PLAGL1: variants seen among roughly 807,000 people sequenced by gnomAD.
The protein encoded by PLAGL1 is PLAG1 like zinc finger 1.
A neutral mutation model predicts 4.6 loss-of-function variants in PLAGL1; 1 was observed. The ratio of observed to expected loss-of-function variants is 0.22; its 90% CI spans 0.08 to 1.03. The LOEUF (loss-of-function observed/expected upper bound fraction) is 1.03, where lower values mean the gene tolerates loss of function less well. PLAGL1 is among the 50% of genes least tolerant of loss of function. PLAGL1 has a pLI of 0.58. For missense variants in PLAGL1, 464 were observed against 570.4 expected (o/e 0.81, Z 1.90); for synonymous variants, 240 against 237.8 (o/e 1.01, Z -0.08).
chr6:143,956,684 G>A (rs916499846), intron 6 of PLAGL1, among the ~76,000 whole-genome samples: 6 of 152,214 alleles, frequency 3.9e-5, no homozygotes, highest in Admixed American at 2.6e-4. Context: ...CCTAGCCCCT[G>A]ACTGCATCTA....
chr6:143,942,158 C>T lies in PLAGL1; in HGVS notation c.658G>A (p.Asp220Asn), dbSNP rs565181543. 7.4e-6 allele frequency: 12 copies of T among 1,614,168 alleles called. No homozygotes were observed. In the East Asian group the frequency reaches 2.7e-4, roughly 36 times the overall value. Residue 220 changes from aspartate to asparagine, a missense_variant, in exon 8 of 8, where the codon GAC becomes AAC. Asp to Asn is a conservative substitution (Grantham distance 23). This residue lies in a region of PLAGL1 where 248 missense variants were observed against 250.1 expected (regional missense o/e 0.99). Coordinates refer to ENST00000674357, the MANE Select transcript of PLAGL1 (RefSeq NM_001317162.2). The surrounding 1 kb of genome is among the most constrained non-coding windows in gnomAD (Gnocchi z 7.6). ...ELMKESLQTG[D>N]LLSTFHTISP... The stretch of plus-strand genomic sequence containing the variant: ...ATGGTGTGGAAGGTGCTCAGAAGGT[C>T]TCCGGTCTGCAAGCTCTCTTTCATC...
chr6:143,975,914 C>T lies in PLAGL1; in HGVS notation c.-543-6936G>A, dbSNP rs1786410322. On this transcript the variant is annotated intron_variant, in intron 2 of 7. Coordinates refer to ENST00000674357, the MANE Select transcript of PLAGL1 (RefSeq NM_001317162.2). The surrounding 1 kb of genome is among the most constrained non-coding windows in gnomAD (Gnocchi z 5.8). ...TACCACTTGAAGAGAAAAATACACA[C>T]AGGGATATCTGTTGTCTGTAGATAG... Among the ~76,000 whole-genome samples the T allele has an allele frequency of 1.3e-5, 2 of 152,174 alleles. No individual in the cohort carries two copies. Among genetic ancestry groups the T allele is most frequent in the South Asian group, 2.1e-4 (1 of 4,832 alleles).
At position 143,982,179 on chromosome 6, in the gene PLAGL1, AAG is replaced by A. The variant is rs1788104513; in HGVS notation, c.-544+2954_-544+2955del. On this transcript the variant is annotated intron_variant, in intron 2 of 7. Transcript: ENST00000674357. The surrounding 1 kb of genome is among the most constrained non-coding windows in gnomAD (Gnocchi z 5.3). The stretch of plus-strand genomic sequence containing the variant: ...GGTGATTTTAAAAAAAAAAGTAATG[AAG>A]AGACAGGAAGTGCTAAGAGATTTAG... Among the ~76,000 whole-genome samples, 1 of 152,194 alleles carries A rather than the reference AAG, an allele frequency of 6.6e-6. No homozygotes were observed. Among genetic ancestry groups the A allele is most frequent in the African/African-American group, 2.4e-5 (1 of 41,446 alleles).
intron 6 of PLAGL1, among the ~76,000 whole-genome samples, chr6:143,951,230 A>G (rs569667598): frequency 6.6e-6 from 1 of 152,354 alleles, no homozygotes; most frequent in South Asian, 2.1e-4. Flanking sequence ...TAACCTAAAT[A>G]AACACCCTAC....
Position 143,975,103 on chromosome 6 carries a change from GAACT to G in PLAGL1, c.-543-6129_-543-6126del, listed in dbSNP as rs1786214695. On this transcript the variant is annotated intron_variant, in intron 2 of 7. Transcript: ENST00000674357. This position sits in a 1 kb window ranked among gnomAD's most constrained non-coding sequence, Gnocchi z 5.8. ...GGTAAATTGACTTGCCAAAGTCATAGAACTAATAATCAGCAGTTAAAACTTTAAA... is the reference window on the plus strand; with the variant it reads ...GGTAAATTGACTTGCCAAAGTCATAGAATAATCAGCAGTTAAAACTTTAAA... Among the ~76,000 whole-genome samples the G allele has an allele frequency of 6.6e-6, 1 of 152,172 alleles. No individual in the cohort carries two copies. Among genetic ancestry groups the G allele is most frequent in the Admixed American group, 6.5e-5 (1 of 15,284 alleles).
At chr6:144,044,597 A>C (rs1797983025) in intron 1 of PLAGL1, among the ~76,000 whole-genome samples, 1 of 151,660 alleles carries the variant, frequency 6.6e-6, no homozygotes, top group Non-Finnish European at 1.5e-5. Flanking sequence ...TTTACTTCCA[A>C]CTGGTCAACT....
intron 1 of PLAGL1, among the ~76,000 whole-genome samples, chr6:144,049,479 C>T (rs761169478): frequency 1.2e-4 from 19 of 152,188 alleles, no homozygotes; most frequent in East Asian, 3.9e-4. Flanking sequence ...CAGTTCTGCA[C>T]GGCTAGGGAG....
At position 144,015,999 on chromosome 6, in the gene PLAGL1, G is replaced by A. The variant is rs1299394440; in HGVS notation, c.-150-47021C>T. On this transcript the variant is annotated intron_variant, in intron 1 of 3. Coordinates refer to the PLAGL1 transcript ENST00000437412. The surrounding 1 kb of genome is among the most constrained non-coding windows in gnomAD (Gnocchi z 4.3). ...ATAAAATGGGCAAACTGCTGATACT[G>A]TCAACACAGATGAATCAAAACAACA... Among the ~76,000 whole-genome samples the A allele has an allele frequency of 6.6e-6, 1 of 152,088 alleles. No individual in the cohort carries two copies. The highest frequency in any genetic ancestry group is 1.5e-5 in the Non-Finnish European group (1 of 68,020).
Position 144,053,373 on chromosome 6 carries a change from G to C in PLAGL1, c.-151+11095C>G, listed in dbSNP as rs1394006384. ...TGGTCTGAAACTCCTGACCTCAGGTGATCAGCCACGATGGCCTCCCAAATT... is the reference window on the plus strand; with the variant it reads ...TGGTCTGAAACTCCTGACCTCAGGTCATCAGCCACGATGGCCTCCCAAATT... On this transcript the variant is annotated intron_variant, in intron 1 of 3. Transcript: ENST00000437412. The surrounding 1 kb of genome is among the most constrained non-coding windows in gnomAD (Gnocchi z 4.0). 2.0e-5 allele frequency among the ~76,000 whole-genome samples: 3 copies of C among 152,136 alleles called. No homozygotes were observed. The highest frequency in any genetic ancestry group is 4.8e-5 in the African/African-American group (2 of 41,418).
Position 143,958,200 on chromosome 6 carries a change from A to C in PLAGL1, c.-325+2269T>G, listed in dbSNP as rs576415292. Among the ~76,000 whole-genome samples, 1 of 152,334 alleles carries C rather than the reference A, an allele frequency of 6.6e-6. No homozygotes were observed. Among genetic ancestry groups the C allele is most frequent in the South Asian group, 2.1e-4 (1 of 4,828 alleles). On this transcript the variant is annotated intron_variant, in intron 6 of 7. Transcript: ENST00000674357. The surrounding 1 kb of genome is among the most constrained non-coding windows in gnomAD (Gnocchi z 5.1). Reference sequence around the variant, plus strand: ...AGTGAGGATGTCCCATCTACAGATGAATTGCAGAGAGGAAAAAGTTACATA... The same window carrying C: ...AGTGAGGATGTCCCATCTACAGATGCATTGCAGAGAGGAAAAAGTTACATA...
rs1784786928 is a variant in PLAGL1, at chr6:143,968,124, A to G, written c.-472+783T>C. ...ATGGCCTTGAACCTAGAATTAATGT[A>G]TGGGACAGGGAAAAACAACAAACAT... is the stretch of plus-strand genomic sequence containing the variant. On this transcript the variant is annotated intron_variant, in intron 3 of 7. Transcript: ENST00000674357. The surrounding 1 kb of genome is among the most constrained non-coding windows in gnomAD (Gnocchi z 6.3). The G allele has an allele frequency of 6.6e-6, 1 of 152,078 alleles. No homozygotes were observed. The highest frequency in any genetic ancestry group is 1.5e-5 in the Non-Finnish European group (1 of 68,016). The allele number at this position is 152,078 out of a possible 1,614,324, so 9.4% of individuals were successfully genotyped here.
chr6:143,969,455 G>C (rs1026690663), intron 2 of PLAGL1, among the ~76,000 whole-genome samples: 1 of 151,824 alleles, frequency 6.6e-6, no homozygotes, highest in African/African-American at 2.4e-5. Flanking sequence ...ATTTTTCAGA[G>C]ACCCCAAGTA....
Position 144,059,011 on chromosome 6 carries a change from C to T in PLAGL1, c.-151+5457G>A, listed in dbSNP as rs986425054. 2.0e-5 allele frequency among the ~76,000 whole-genome samples: 3 copies of T among 152,220 alleles called. No individual in the cohort carries two copies. The highest frequency in any genetic ancestry group is 2.9e-5 in the Non-Finnish European group (2 of 68,026). On this transcript the variant is annotated intron_variant, in intron 1 of 3. Transcript: ENST00000437412. The surrounding 1 kb of genome is among the most constrained non-coding windows in gnomAD (Gnocchi z 4.9). Reference sequence around the variant, plus strand: ...GCCCTGGGGGTACTCTGTGTGGTGGCTCCAGCCCCACATTTTCCCTCTACA... The same window carrying T: ...GCCCTGGGGGTACTCTGTGTGGTGGTTCCAGCCCCACATTTTCCCTCTACA...
chr6:143,999,489 A>AGT (rs141205822), intron 1 of PLAGL1, among the ~76,000 whole-genome samples: 74 of 152,326 alleles, frequency 4.9e-4, no homozygotes, highest in Non-Finnish European at 9.6e-4. Flanking sequence ...CTTTTTGTTT[A>AGT]GTGACCATTT....
rs532731270 is a variant in PLAGL1 at position 144,033,531 on chromosome 6, G to A, written c.-151+30937C>T. Among the ~76,000 whole-genome samples, 17 of 152,326 alleles carry A rather than the reference G, an allele frequency of 1.1e-4. No individual in the cohort carries two copies. The South Asian group carries it at 3.5e-3, about 32-fold the overall frequency. ...TACAGACAGGAAAGGTGGTACCAGT[G>A]AGAGTTCAGAAGGAAATGAGGAACA... On this transcript the variant is annotated intron_variant, in intron 1 of 3. Coordinates refer to the PLAGL1 transcript ENST00000437412.
Position 144,019,994 on chromosome 6 carries a change from C to T in PLAGL1, c.-151+44474G>A, listed in dbSNP as rs545694680. Among the ~76,000 whole-genome samples the T allele has an allele frequency of 1.3e-4, 20 of 152,138 alleles. No individual in the cohort carries two copies. In the East Asian group the frequency reaches 2.9e-3, roughly 22 times the overall value. ...AATTAGTATATTGAAATCATAATCCCCAATGTGATTGTATTTGAAGATGGG... is the reference window on the plus strand; with the variant it reads ...AATTAGTATATTGAAATCATAATCCTCAATGTGATTGTATTTGAAGATGGG... On this transcript the variant is annotated intron_variant, in intron 1 of 3. Coordinates refer to the PLAGL1 transcript ENST00000437412.
Position 143,982,252 on chromosome 6 carries a change from G to T in PLAGL1, c.-544+2883C>A, listed in dbSNP as rs979521021. The stretch of plus-strand genomic sequence containing the variant: ...TAAAACAGGCTGGTCAGGGAAAAAG[G>T]CATGGGTGAGAGGATGACAATTTAG... On this transcript the variant is annotated intron_variant, in intron 2 of 7. Coordinates refer to ENST00000674357, the MANE Select transcript of PLAGL1 (RefSeq NM_001317162.2). This position sits in a 1 kb window ranked among gnomAD's most constrained non-coding sequence, Gnocchi z 5.3. Among the ~76,000 whole-genome samples, 1 of 152,158 alleles carries T rather than the reference G, an allele frequency of 6.6e-6. No individual in the cohort carries two copies. Among genetic ancestry groups the T allele is most frequent in the Non-Finnish European group, 1.5e-5 (1 of 68,014 alleles).
chr6:144,012,291 C>T (rs1043363028), upstream of PLAGL1, among the ~76,000 whole-genome samples: 2 of 152,034 alleles, frequency 1.3e-5, no homozygotes, highest in Non-Finnish European at 2.9e-5. The surrounding 1 kb of genome is among the most constrained non-coding windows in gnomAD (Gnocchi z 4.8). Context: ...CTTGGCTCAC[C>T]GCAACCTGCC....
In PLAGL1 at chr6:143,942,121, A is replaced by T; in HGVS notation, c.695T>A (p.Phe232Tyr). The change falls in exon 8 of 8, where the codon TTC becomes TAC. Residue 232 changes from phenylalanine to tyrosine, a missense_variant. This residue lies in a region of PLAGL1 where 248 missense variants were observed against 250.1 expected (regional missense o/e 0.99). Coordinates refer to ENST00000674357, the MANE Select transcript of PLAGL1 (RefSeq NM_001317162.2). This position sits in a 1 kb window ranked among gnomAD's most constrained non-coding sequence, Gnocchi z 7.6. ...AGGCAAGGCAGCAGCCTTCAGTTGGAATGAAGGCGAGATGGTGTGGAAGGT... is the reference window on the plus strand; with the variant it reads ...AGGCAAGGCAGCAGCCTTCAGTTGGTATGAAGGCGAGATGGTGTGGAAGGT... ...LSTFHTISPSFQLKAAALPPF... is the reference protein window; with the variant it reads ...LSTFHTISPSYQLKAAALPPF... 6.2e-7 allele frequency: 1 copy of T among 1,614,134 alleles called. No homozygotes were observed. Among genetic ancestry groups the T allele is most frequent in the Non-Finnish European group, 8.5e-7 (1 of 1,180,006 alleles).
Sources: allele counts gnomAD v4.1 joint callset (sites outside exome capture counted in the v4.1 genomes callset), GRCh38; gene constraint gnomAD v4.1.1; regional missense constraint gnomAD v4.1.1; non-coding constraint Gnocchi (gnomAD v3.1); transcripts MANE v1.5; gene names NCBI Gene and HGNC (gene_info 2026-07-23, HGNC 2026-07-21).